TAS2R4: variants seen among roughly 807,000 people sequenced by gnomAD.
The protein encoded by TAS2R4 is taste 2 receptor member 4, also known as taste receptor type 2 member 4.
Under a neutral mutation model 14.3 loss-of-function variants are expected in TAS2R4, and 18 were observed. The ratio of observed to expected loss-of-function variants is 1.26; its 90% CI spans 0.87 to 1.86. The LOEUF (loss-of-function observed/expected upper bound fraction) is 1.86. Among genes scored for constraint, TAS2R4 ranks in the 40% most tolerant of loss-of-function variants. The probability of loss-of-function intolerance (pLI) is 0.00; values close to 1 mark genes in which losing one functional copy is unlikely to be tolerated. For missense variants in TAS2R4, 306 were observed against 342.7 expected, an observed-to-expected ratio of 0.89 and a Z score of 0.85; for synonymous variants, 130 against 138.5, an observed-to-expected ratio of 0.94 and a Z score of 0.43.
In TAS2R4 at chr7:141,778,213, G is replaced by A. The variant is rs976519765; in HGVS notation, c.-276G>A. On this transcript the variant is annotated 5_prime_UTR_variant, in exon 1 of 1. Transcript: ENST00000247881. ...TCTTCCCTCTCGCCCTCCTGCTCTT[G>A]GAGGAGTGGACTCCCAGCATCACCT... Among the ~76,000 whole-genome samples, 2 of 152,154 alleles carry A rather than the reference G, an allele frequency of 1.3e-5. No individual in the cohort carries two copies. The highest frequency in any genetic ancestry group is 2.9e-5 in the Non-Finnish European group (2 of 68,028).
rs1035052231 is a variant in TAS2R4 at position 141,780,877 on chromosome 7, C to T, written c.*1489C>T. ...GACTGCAATATTCAGTAAAAATTAC[C>T]CAAGCCAATATTTTGTGCTATGAAA... On this transcript the variant is annotated 3_prime_UTR_variant, in exon 1 of 1. Coordinates refer to ENST00000247881, the MANE Select transcript of TAS2R4 (RefSeq NM_016944.2). 6.6e-6 allele frequency: 1 copy of T among 151,954 alleles called. No homozygotes were observed. The highest frequency in any genetic ancestry group is 1.5e-5 in the Non-Finnish European group (1 of 68,032). 9.4% of individuals were successfully genotyped at this position (151,954 alleles called of 1,614,324 possible).
rs1266797258 is a variant in TAS2R4 at position 141,778,650 on chromosome 7, C to G, written c.162C>G (p.Thr54=). ...SDRILFSLGI[T]RFLMLGLFLV... is the part of the protein sequence containing the mutation. ...GGATTCTGTTCAGCCTGGGCATCAC[C>G]AGGTTTCTTATGCTGGGACTATTTC... Residue 54 remains threonine, a synonymous_variant, in exon 1 of 1, where the codon ACC becomes ACG. Coordinates refer to ENST00000247881, the MANE Select transcript of TAS2R4 (RefSeq NM_016944.2). The G allele has an allele frequency of 1.9e-6, 3 of 1,614,174 alleles. No homozygotes were observed. The highest frequency in any genetic ancestry group is 1.7e-6 in the Non-Finnish European group (2 of 1,180,028).
At position 141,779,462 on chromosome 7, in the gene TAS2R4, G is replaced by A; in HGVS notation, c.*74G>A. 1 of 1,401,438 alleles carries A rather than the reference G, an allele frequency of 7.1e-7. No individual in the cohort carries two copies. Among genetic ancestry groups the A allele is most frequent in the African/African-American group, 1.4e-5 (1 of 69,694 alleles). The allele number at this position is 1,401,438 out of a possible 1,614,324, so 86.8% of individuals were successfully genotyped here. ...AGATTTTCTGTTTGCAGTTTTCCCA[G>A]TGATCTGGGGAATTCAGTTTTGTGA... On this transcript the variant is annotated 3_prime_UTR_variant, in exon 1 of 1. Coordinates refer to ENST00000247881, the MANE Select transcript of TAS2R4 (RefSeq NM_016944.2).
rs766539213 is a variant in TAS2R4 at position 141,779,378 on chromosome 7, T to A, written c.890T>A (p.Phe297Tyr). 6.3e-7 allele frequency: 1 copy of A among 1,592,910 alleles called. No individual in the cohort carries two copies. The highest frequency in any genetic ancestry group is 1.1e-5 in the South Asian group (1 of 88,896). Residue 297 changes from phenylalanine to tyrosine, a missense_variant, in exon 1 of 1, where the codon TTC becomes TAC. By Grantham distance (22) the Phe-to-Tyr change is conservative (BLOSUM62 3). Coordinates refer to ENST00000247881, the MANE Select transcript of TAS2R4 (RefSeq NM_016944.2). ...LKTTAKKILC[F>Y]KK ...ACAACAGCAAAGAAGATTCTTTGTT[T>A]CAAAAAATAGTGGAATTTCAGTAAA...
rs995236737 is a variant in TAS2R4 at position 141,776,828 on chromosome 7, A to G, written c.-1661A>G. On this transcript the variant is annotated 5_prime_UTR_variant, in exon 1 of 1. In the 5' UTR this introduces an upstream ATG that the reference lacks. Transcript: ENST00000247881. ...AGGGTTCTGCTAACACTTTTCCTAT[A>G]CTGACCCTTGTGGAAATAACTTCTA... Among the ~76,000 whole-genome samples the G allele has an allele frequency of 2.0e-5, 3 of 152,180 alleles. No homozygotes were observed. The highest frequency in any genetic ancestry group is 7.2e-5 in the African/African-American group (3 of 41,448).
rs1401951009 is a variant in TAS2R4, at chr7:141,778,096, T to G, written c.-393T>G. On this transcript the variant is annotated 5_prime_UTR_variant, in exon 1 of 1. An upstream start codon of the reference 5' UTR is lost. Coordinates refer to ENST00000247881, the MANE Select transcript of TAS2R4 (RefSeq NM_016944.2). ...TTTCCACCATATTCTGGCATTTTTA[T>G]GAAGAAAAACTTTACCGTAAAACAT... Among the ~76,000 whole-genome samples, 1 of 152,176 alleles carries G rather than the reference T, an allele frequency of 6.6e-6. No individual in the cohort carries two copies. The highest frequency in any genetic ancestry group is 1.9e-4 in the East Asian group (1 of 5,192).
rs1371082857 is a variant in TAS2R4 at position 141,779,979 on chromosome 7, A to C, written c.*591A>C. On this transcript the variant is annotated 3_prime_UTR_variant, in exon 1 of 1. Transcript: ENST00000247881. ...TCCCAGCTCTTTGGGAGGCCGAGGCAGGTGAATCGTGAGGTCAGGAGATCG... is the reference window on the plus strand; with the variant it reads ...TCCCAGCTCTTTGGGAGGCCGAGGCCGGTGAATCGTGAGGTCAGGAGATCG... The C allele has an allele frequency of 1.3e-5, 2 of 152,698 alleles. No homozygotes were observed. Among genetic ancestry groups the C allele is most frequent in the Non-Finnish European group, 2.9e-5 (2 of 68,480 alleles). 9.5% of individuals were successfully genotyped at this position (152,698 alleles called of 1,614,324 possible).
chr7:141,778,717 T>A lies in TAS2R4; in HGVS notation c.229T>A (p.Ser77Thr). 3 of 1,614,226 alleles carry A rather than the reference T, an allele frequency of 1.9e-6. No homozygotes were observed. Among genetic ancestry groups the A allele is most frequent in the Non-Finnish European group, 2.5e-6 (3 of 1,180,046 alleles). Residue 77 changes from serine to threonine, a missense_variant, in exon 1 of 1, where the codon TCA (serine) becomes ACA (threonine). Transcript: ENST00000247881. The part of the protein sequence containing the change: ...IYFVSSNTER[S>T]VYLSAFFVLC... The stretch of plus-strand genomic sequence containing the variant: ...CTTCGTCTCTTCAAATACGGAAAGG[T>A]CAGTCTACCTGTCTGCTTTTTTTGT...
rs1396219976 is a variant in TAS2R4, at chr7:141,779,079, C to T, written c.591C>T (p.Ser197=). 1 of 1,614,194 alleles carries T rather than the reference C, an allele frequency of 6.2e-7. No homozygotes were observed. Among genetic ancestry groups the T allele is most frequent in the African/African-American group, 1.3e-5 (1 of 75,034 alleles). ...TCATCATTAATGTGACTTCTGCTTC[C>T]TTGCTAATACACTCCTTGAGGAGAC... ...LQFIINVTSA[S]LLIHSLRRHI... is the part of the protein sequence containing the mutation. The change falls in exon 1 of 1, where the codon TCC becomes TCT. Residue 197 remains serine (S), a synonymous_variant. Coordinates refer to ENST00000247881, the MANE Select transcript of TAS2R4 (RefSeq NM_016944.2).
rs1208558186 is a variant in TAS2R4, at chr7:141,777,652, G to T, written c.-837G>T. Among the ~76,000 whole-genome samples the T allele has an allele frequency of 6.6e-6, 1 of 152,178 alleles. No homozygotes were observed. The highest frequency in any genetic ancestry group is 1.5e-5 in the Non-Finnish European group (1 of 68,050). ...TGTGTATCTCATTCCAGGGTACCTG[G>T]ATTGACAGTTAAATGCCTAAGAGAA... On this transcript the variant is annotated 5_prime_UTR_variant, in exon 1 of 1. Transcript: ENST00000247881.
At position 141,778,648 on chromosome 7, in the gene TAS2R4, A is replaced by G. The variant is rs1322445385; in HGVS notation, c.160A>G (p.Thr54Ala). The change falls in exon 1 of 1, where the codon ACC (threonine) becomes GCC (alanine). Residue 54 changes from threonine to alanine, a missense_variant. Thr to Ala is a moderately conservative substitution (Grantham distance 58, BLOSUM62 0). Coordinates refer to ENST00000247881, the MANE Select transcript of TAS2R4 (RefSeq NM_016944.2). ...TAGGATTCTGTTCAGCCTGGGCATC[A>G]CCAGGTTTCTTATGCTGGGACTATT... is the stretch of plus-strand genomic sequence containing the variant. Reference protein sequence around the residue: ...SDRILFSLGITRFLMLGLFLV... With the variant: ...SDRILFSLGIARFLMLGLFLV... 1 of 1,614,190 alleles carries G rather than the reference A, an allele frequency of 6.2e-7. No individual in the cohort carries two copies. Among genetic ancestry groups the G allele is most frequent in the African/African-American group, 1.3e-5 (1 of 75,024 alleles).
At position 141,778,859 on chromosome 7, in the gene TAS2R4, A is replaced by G. The variant is rs777887484; in HGVS notation, c.371A>G (p.Asn124Ser). Residue 124 changes from asparagine (N) to serine (S), a missense_variant, in exon 1 of 1, where the codon AAT (asparagine) becomes AGT (serine). Coordinates refer to ENST00000247881, the MANE Select transcript of TAS2R4 (RefSeq NM_016944.2). ...TCAGTGTTTCTCCTGCTGAAGCGGA[A>G]TATCTCCCCAAAGATCCCCAGGCTG... ...QHSVFLLLKR[N>S]ISPKIPRLLL... The G allele has an allele frequency of 6.2e-7, 1 of 1,614,186 alleles. No homozygotes were observed.
In TAS2R4 at chr7:141,779,219, TTGC is replaced by T; in HGVS notation, c.733_735del (p.Ala245del). 6.2e-7 allele frequency: 1 copy of T among 1,614,190 alleles called. No individual in the cohort carries two copies. The highest frequency in any genetic ancestry group is 8.5e-7 in the Non-Finnish European group (1 of 1,180,030). On this transcript the variant is annotated inframe_deletion, in exon 1 of 1. Transcript: ENST00000247881. ...CTCATCCTCTACATTCCATATTCAG[TTGC>T]TACCCTGGTCCAGTATCTCCCCTTT...
chr7:141,778,642 G>C lies in TAS2R4; in HGVS notation c.154G>C (p.Gly52Arg), dbSNP rs1462730520. Residue 52 changes from glycine (G) to arginine (R), a missense_variant, in exon 1 of 1, where the codon GGC (glycine) becomes CGC (arginine). Gly to Arg is a moderately radical substitution (Grantham distance 125). Coordinates refer to ENST00000247881, the MANE Select transcript of TAS2R4 (RefSeq NM_016944.2). ...SSSDRILFSL[G>R]ITRFLMLGLF... ...TTCTGATAGGATTCTGTTCAGCCTG[G>C]GCATCACCAGGTTTCTTATGCTGGG... 1 of 1,613,990 alleles carries C rather than the reference G, an allele frequency of 6.2e-7. No homozygotes were observed. Among genetic ancestry groups the C allele is most frequent in the Non-Finnish European group, 8.5e-7 (1 of 1,180,026 alleles).
rs1800317445 is a variant in TAS2R4, at chr7:141,781,321, T to C, written c.*1933T>C. On this transcript the variant is annotated 3_prime_UTR_variant, in exon 1 of 1. Transcript: ENST00000247881. The stretch of plus-strand genomic sequence containing the variant: ...CATGGTTCTTCACACTGTGGACTTG[T>C]AACACCAGCTCTGGACTGCTCAAGC... Among the ~76,000 whole-genome samples the C allele has an allele frequency of 6.6e-6, 1 of 152,214 alleles. No individual in the cohort carries two copies. Among genetic ancestry groups the C allele is most frequent in the Middle Eastern group, 3.2e-3 (1 of 316 alleles).
In TAS2R4 at chr7:141,779,422, G is replaced by A; in HGVS notation, c.*34G>A. On this transcript the variant is annotated 3_prime_UTR_variant, in exon 1 of 1. Coordinates refer to ENST00000247881, the MANE Select transcript of TAS2R4 (RefSeq NM_016944.2). ...CAGTAAACAATACCTAGATTTACCT[G>A]ATGGTTTGGGGGCAAGATTTTCTGT... 1.3e-6 allele frequency: 2 copies of A among 1,542,256 alleles called. No individual in the cohort carries two copies. Among genetic ancestry groups the A allele is most frequent in the South Asian group, 2.5e-5 (2 of 78,870 alleles).
Position 141,779,003 on chromosome 7 carries a change from A to G in TAS2R4, c.515A>G (p.Glu172Gly), listed in dbSNP as rs1800285460. The change falls in exon 1 of 1, where the codon GAG becomes GGG. Residue 172 changes from glutamate to glycine, a missense_variant. Glu to Gly is a moderately conservative substitution (Grantham distance 98). Coordinates refer to ENST00000247881, the MANE Select transcript of TAS2R4 (RefSeq NM_016944.2). The stretch of plus-strand genomic sequence containing the variant: ...AATAACACATCATTTAATATCAGTG[A>G]GGGCATCTTGTCTTTAGTGGTTTCT... ...TRNNTSFNIS[E>G]GILSLVVSLV... The G allele has an allele frequency of 6.2e-7, 1 of 1,614,072 alleles. No homozygotes were observed.
rs1791909733 is a variant in TAS2R4, at chr7:141,780,705, T to C, written c.*1317T>C. On this transcript the variant is annotated 3_prime_UTR_variant, in exon 1 of 1. Coordinates refer to ENST00000247881, the MANE Select transcript of TAS2R4 (RefSeq NM_016944.2). ...CTGAAGATGGGATGTTGACAAGTTT[T>C]GGAATGTCAATTGGGGAATCATAAT... 1 of 152,222 alleles carries C rather than the reference T, an allele frequency of 6.6e-6. No homozygotes were observed. Among genetic ancestry groups the C allele is most frequent in the South Asian group, 2.1e-4 (1 of 4,834 alleles). 9.4% of individuals were successfully genotyped at this position (152,222 alleles called of 1,614,324 possible). A position where few individuals can be genotyped will look rare whatever the true frequency, so the allele number is the denominator to read the frequency against.
Position 141,778,926 on chromosome 7 carries a change from G to A in TAS2R4, c.438G>A (p.Leu146=). The A allele has an allele frequency of 6.2e-7, 1 of 1,614,204 alleles. No individual in the cohort carries two copies. Among genetic ancestry groups the A allele is most frequent in the Non-Finnish European group, 8.5e-7 (1 of 1,180,042 alleles). Residue 146 remains leucine (L), a synonymous_variant, in exon 1 of 1, where the codon CTG becomes CTA. Coordinates refer to ENST00000247881, the MANE Select transcript of TAS2R4 (RefSeq NM_016944.2). ...TGATTTCTGCTTTCACCACTTGCCT[G>A]TACATCACGCTTAGCCAGGCATCAC... ...CVLISAFTTC[L]YITLSQASPF... is the part of the protein sequence containing the mutation.
Sources: gnomAD v4.1 joint callset for allele counts (sites outside exome capture counted in the v4.1 genomes callset) on GRCh38, gnomAD v4.1.1 for gene constraint, MANE v1.5 for transcripts, NCBI Gene and HGNC (gene_info 2026-07-23, HGNC 2026-07-21) for gene names.